The following CTNND2 variants were observed in gnomAD, a reference collection of about 807,000 sequenced individuals.
CTNND2 encodes catenin delta-2.
In CTNND2, 22 loss-of-function variants were observed where a neutral mutation model predicts 144.4. The ratio of observed to expected loss-of-function variants is 0.15; its 90% CI spans 0.11 to 0.22. The LOEUF is 0.22. Ranked by LOEUF, CTNND2 falls within the 10% of genes least tolerant of loss-of-function variation. The probability of loss-of-function intolerance (pLI) is 1.00; values close to 1 mark genes in which losing one functional copy is unlikely to be tolerated. For synonymous variants in CTNND2, 751 were observed against 695.6 expected, an observed-to-expected ratio of 1.08 and a Z score of -1.25; for missense variants, 1,353 against 1,618.8, an observed-to-expected ratio of 0.84 and a Z score of 2.82.
intron 9 of CTNND2, among the ~76,000 whole-genome samples, chr5:11,250,456 GCTCTCTCTCTCTCT>G (rs71595810): frequency 3.8e-4 from 28 of 73,198 alleles, no homozygotes; most frequent in African/African-American, 7.8e-4. Context: ...TTTAAAGGGT[GCTCTCTCTCTCTCT>G]CTCTCTCTCT....
intron 1 of CTNND2, among the ~76,000 whole-genome samples, chr5:11,734,648 T>C (rs76166354): frequency 4.2e-4 from 64 of 152,322 alleles, no homozygotes; most frequent in Non-Finnish European, 6.3e-4. Flanking sequence ...GGAACCAGGG[T>C]TGTGTAAATA....
intron 12 of CTNND2, among the ~76,000 whole-genome samples, chr5:11,133,090 C>T (rs1755774281): frequency 6.6e-6 from 1 of 152,120 alleles, no homozygotes; most frequent in Non-Finnish European, 1.5e-5. Context: ...GTCTAAGGAC[C>T]ACTCGCCTTG....
intron 9 of CTNND2, among the ~76,000 whole-genome samples, chr5:11,327,128 A>C (rs1752613481): frequency 1.3e-5 from 2 of 152,186 alleles, no homozygotes; most frequent in Admixed American, 6.5e-5. Flanking sequence ...CTACAGGCTG[A>C]AGTTAACCAG....
intron 1 of CTNND2, among the ~76,000 whole-genome samples, chr5:11,881,710 T>C (rs923694506): frequency 3.3e-5 from 5 of 152,076 alleles, no homozygotes; most frequent in Non-Finnish European, 4.4e-5. Flanking sequence ...CATGAGAACA[T>C]AGATACCTCT....
intron 1 of CTNND2, among the ~76,000 whole-genome samples, chr5:11,835,778 G>T (rs1189212387): frequency 6.6e-6 from 1 of 151,972 alleles, no homozygotes; most frequent in Admixed American, 6.6e-5. Context: ...CTGATTTTCT[G>T]CAATATTTGT....
chr5:11,782,476 A>G (rs1400513175), intron 1 of CTNND2, among the ~76,000 whole-genome samples: 1 of 152,220 alleles, frequency 6.6e-6, no homozygotes, highest in Non-Finnish European at 1.5e-5. Context: ...GGTCTGAGAA[A>G]AGGACCTATT....
chr5:11,498,263 G>C (rs1770175472), intron 3 of CTNND2, among the ~76,000 whole-genome samples: 1 of 151,612 alleles, frequency 6.6e-6, no homozygotes. Flanking sequence ...ATACACATAT[G>C]CATTTGCAAA....
chr5:11,193,570 T>C (rs2149817812), intron 11 of CTNND2, among the ~76,000 whole-genome samples: 1 of 152,290 alleles, frequency 6.6e-6, no homozygotes, highest in South Asian at 2.1e-4. Flanking sequence ...ACCCTGAATT[T>C]GGTTTAAATA....
At chr5:11,780,487 T>C (rs968600317) in intron 1 of CTNND2, among the ~76,000 whole-genome samples, 2 of 152,142 alleles carry the variant, frequency 1.3e-5, no homozygotes, top group African/African-American at 4.8e-5. Context: ...ACCTCACATC[T>C]TCCTCTGCCC....
At chr5:11,373,894 G>T (rs1381143951) in intron 7 of CTNND2, among the ~76,000 whole-genome samples, 2 of 152,110 alleles carry the variant, frequency 1.3e-5, no homozygotes, top group Admixed American at 1.3e-4. Flanking sequence ...GCTGCTTTTT[G>T]CCCCTGGCAT....
chr5:11,833,935 C>T (rs1320001557), intron 1 of CTNND2, among the ~76,000 whole-genome samples: 5 of 152,124 alleles, frequency 3.3e-5, no homozygotes, highest in Non-Finnish European at 7.4e-5. Context: ...GTATATTATA[C>T]ATCAAATCCT....
chr5:11,633,704 A>T (rs750654296), intron 2 of CTNND2, among the ~76,000 whole-genome samples: 9 of 151,580 alleles, frequency 5.9e-5, no homozygotes, highest in Non-Finnish European at 1.2e-4. Flanking sequence ...TGAACCTGAG[A>T]GGCAGAGTTT....
intron 5 of CTNND2, among the ~76,000 whole-genome samples, chr5:11,400,565 T>G (rs80346287): frequency 0.012 from 1,895 of 152,092 alleles, 77 homozygotes; most frequent in East Asian, 0.12. Flanking sequence ...ACATTGATGA[T>G]GCTTAAGACA....
At chr5:11,439,752 C>G (rs1287784125) in intron 3 of CTNND2, among the ~76,000 whole-genome samples, 1 of 79,644 alleles carries the variant, frequency 1.3e-5, no homozygotes, top group Non-Finnish European at 3.1e-5. Context: ...ATCTATCTAT[C>G]TATCTATCTA....
chr5:11,482,577 GAC>G (rs1183776997), intron 3 of CTNND2, among the ~76,000 whole-genome samples: 3 of 152,120 alleles, frequency 2.0e-5, no homozygotes, highest in Non-Finnish European at 4.4e-5. Flanking sequence ...TCCTGAGAAG[GAC>G]ACACGGCACC....
chr5:11,538,419 C>A (rs934276478), intron 3 of CTNND2, among the ~76,000 whole-genome samples: 1 of 152,078 alleles, frequency 6.6e-6, no homozygotes, highest in Non-Finnish European at 1.5e-5. Flanking sequence ...TTAAACTAAC[C>A]GTTTCCTCAT....
At chr5:11,673,325 T>C (rs1405645657) in intron 2 of CTNND2, among the ~76,000 whole-genome samples, 1 of 152,212 alleles carries the variant, frequency 6.6e-6, no homozygotes, top group African/African-American at 2.4e-5. Context: ...AATAGTTCTC[T>C]CTCAATTAAT....
chr5:11,496,585 C>T (rs768356748), intron 3 of CTNND2, among the ~76,000 whole-genome samples: 12 of 152,074 alleles, frequency 7.9e-5, no homozygotes, highest in Non-Finnish European at 1.6e-4. Context: ...TGAAATATTA[C>T]ACATGTACAT....
chr5:11,506,543 A>T (rs1399462748), intron 3 of CTNND2, among the ~76,000 whole-genome samples: 1 of 152,204 alleles, frequency 6.6e-6, no homozygotes, highest in African/African-American at 2.4e-5. Context: ...AAATAAGTAG[A>T]TTTTAGCTGC....
Sources: allele counts gnomAD v4.1 joint callset (sites outside exome capture counted in the v4.1 genomes callset), GRCh38; gene constraint gnomAD v4.1.1; transcripts MANE v1.5; gene names NCBI Gene and HGNC (gene_info 2026-07-23, HGNC 2026-07-21).